The following KIAA0040 variants were observed in gnomAD, a reference collection of about 807,000 sequenced individuals.
KIAA0040 encodes KIAA0040.
KIAA0040 carries 10 observed loss-of-function variants against 7.2 expected under a neutral mutation model. The observed-to-expected ratio is 1.38, with a 90% CI of 0.85 to 2.34. The LOEUF (loss-of-function observed/expected upper bound fraction) is 2.34, where lower values mean the gene tolerates loss of function less well. KIAA0040 is among the 30% of genes most tolerant of loss of function. KIAA0040 has a pLI of 0.00. For synonymous variants in KIAA0040, 49 were observed against 40.1 expected (o/e 1.22, Z -0.84); for missense variants, 89 against 108.2 (o/e 0.82, Z 0.79).
rs1477920712 is a variant in KIAA0040 at position 175,186,715 on chromosome 1, C to T, written c.-384+5925G>A. 3.3e-5 allele frequency among the ~76,000 whole-genome samples: 5 copies of T among 152,326 alleles called. No homozygotes were observed. The South Asian group carries it at 8.3e-4, about 25-fold the overall frequency. On this transcript the variant is annotated intron_variant, in intron 1 of 3. Transcript: ENST00000423313. ...CAAGAAAAGCACAGTCTTTGGAAATCGGCAAGGCACCCAGTAAAGTACTGC... is the reference window on the plus strand; with the variant it reads ...CAAGAAAAGCACAGTCTTTGGAAATTGGCAAGGCACCCAGTAAAGTACTGC...
intron 2 of KIAA0040, among the ~76,000 whole-genome samples, chr1:175,168,668 C>T (rs375866647): frequency 5.9e-5 from 9 of 152,282 alleles, no homozygotes; most frequent in Non-Finnish European, 1.0e-4. Context: ...CTGCATCTTG[C>T]GGGAGATCAC....
intron 1 of KIAA0040, among the ~76,000 whole-genome samples, chr1:175,182,623 C>T (rs1677483022): frequency 6.6e-6 from 1 of 152,206 alleles, no homozygotes; most frequent in South Asian, 2.1e-4. Flanking sequence ...ACGCTCTCAC[C>T]CAGCTTGTGT....
chr1:175,173,299 A>G (rs1339988029), intron 2 of KIAA0040, among the ~76,000 whole-genome samples: 1 of 152,216 alleles, frequency 6.6e-6, no homozygotes, highest in Non-Finnish European at 1.5e-5. Flanking sequence ...GAGGGTTGGC[A>G]AAAGTCTTAT....
intron 2 of KIAA0040, among the ~76,000 whole-genome samples, chr1:175,175,770 G>C (rs866870378): frequency 2.6e-5 from 4 of 152,080 alleles, no homozygotes; most frequent in Non-Finnish European, 2.9e-5. Flanking sequence ...GCAGACTATT[G>C]CAAGGACAAA....
At chr1:175,179,508 A>C (rs760436141) in intron 1 of KIAA0040, among the ~76,000 whole-genome samples, 21 of 152,208 alleles carry the variant, frequency 1.4e-4, no homozygotes, top group Non-Finnish European at 2.6e-4. Context: ...AAATCTAATT[A>C]TAAACTGAAA....
chr1:175,180,908 G>A (rs1677416011), intron 1 of KIAA0040, among the ~76,000 whole-genome samples: 1 of 152,204 alleles, frequency 6.6e-6, no homozygotes, highest in African/African-American at 2.4e-5. Flanking sequence ...CTAGTGTGCA[G>A]TGGCACAATC....
intron 1 of KIAA0040, among the ~76,000 whole-genome samples, chr1:175,178,619 T>A (rs553549413): frequency 6.6e-6 from 1 of 152,322 alleles, no homozygotes; most frequent in African/African-American, 2.4e-5. Context: ...TACCAACTGG[T>A]TCTTATCCTA....
At chr1:175,182,132 G>A (rs1404409166) in intron 1 of KIAA0040, among the ~76,000 whole-genome samples, 8 of 152,148 alleles carry the variant, frequency 5.3e-5, no homozygotes, top group Non-Finnish European at 8.8e-5. Flanking sequence ...TTGAGTGTCC[G>A]GGGATAGGGC....
At chr1:175,170,630 C>T (rs879774830) in intron 2 of KIAA0040, among the ~76,000 whole-genome samples, 4 of 152,136 alleles carry the variant, frequency 2.6e-5, no homozygotes, top group Non-Finnish European at 2.9e-5. Flanking sequence ...CTGGGCTTTA[C>T]CTCCCCACCC....
chr1:175,170,381 C>A (rs894558290), intron 2 of KIAA0040, among the ~76,000 whole-genome samples: 1 of 152,086 alleles, frequency 6.6e-6, no homozygotes, highest in Non-Finnish European at 1.5e-5. Context: ...TCTTTCAATT[C>A]GTCTTTCTAA....
chr1:175,182,579 G>C (rs1444446064), intron 1 of KIAA0040, among the ~76,000 whole-genome samples: 2 of 152,218 alleles, frequency 1.3e-5, no homozygotes, highest in Non-Finnish European at 2.9e-5. Context: ...TGCCACCAGA[G>C]AGTGGATTGT....
At chr1:175,179,019 CTG>C (rs1403411573) in intron 1 of KIAA0040, among the ~76,000 whole-genome samples, 1 of 151,250 alleles carries the variant, frequency 6.6e-6, no homozygotes, top group Non-Finnish European at 1.5e-5. Flanking sequence ...AGCTCCTGGG[CTG>C]TGTGTGATTA....
At chr1:175,163,483 C>A (rs1048638670) in intron 3 of KIAA0040, among the ~76,000 whole-genome samples, 1 of 152,230 alleles carries the variant, frequency 6.6e-6, no homozygotes, top group South Asian at 2.1e-4. Context: ...CTGGGAACAG[C>A]CCATGCCATG....
At position 175,160,466 on chromosome 1, in the gene KIAA0040, C is replaced by CA; in HGVS notation, c.*247dup. The stretch of plus-strand genomic sequence containing the variant: ...GGGTATGCCAGAGACAGGTGGGAGG[C>CA]ATGCCTGGGTCTGCAGTAAGGAGCA... On this transcript the variant is annotated 3_prime_UTR_variant, in exon 4 of 4. Transcript: ENST00000423313. The CA allele has an allele frequency of 6.3e-6, 3 of 477,580 alleles. No homozygotes were observed. The South Asian group carries it at 9.4e-5, about 15-fold the overall frequency. 29.6% of individuals were successfully genotyped at this position (477,580 alleles called of 1,614,324 possible).
Position 175,161,131 on chromosome 1 carries a change from A to C in KIAA0040, c.-118T>G. The C allele has an allele frequency of 1.1e-6, 1 of 918,868 alleles. No homozygotes were observed. The highest frequency in any genetic ancestry group is 1.8e-5 in the South Asian group (1 of 56,092). The allele number at this position is 918,868 out of a possible 1,614,324, so 56.9% of individuals were successfully genotyped here. The stretch of plus-strand genomic sequence containing the variant: ...TCCTCTTCCAGCTTTGGGTTTGGGC[A>C]TGCCACTGGCAGCACCTGAAGAGAT... On this transcript the variant is annotated 5_prime_UTR_variant, in exon 4 of 4. It removes an upstream start codon present in the reference 5' UTR. Coordinates refer to ENST00000423313, the MANE Select transcript of KIAA0040 (RefSeq NM_014656.3).
intron 2 of KIAA0040, among the ~76,000 whole-genome samples, chr1:175,167,177 G>A (rs183257083): frequency 6.6e-6 from 1 of 152,304 alleles, no homozygotes; most frequent in South Asian, 2.1e-4. Flanking sequence ...GACAAAAACA[G>A]CAAACACATG....
chr1:175,162,052 A>G (rs1676563479), intron 3 of KIAA0040, among the ~76,000 whole-genome samples: 1 of 152,018 alleles, frequency 6.6e-6, no homozygotes, highest in African/African-American at 2.4e-5. Flanking sequence ...AGCTGGGGCC[A>G]TTCTCCTGGT....
chr1:175,177,047 C>T (rs1279972881), intron 2 of KIAA0040, among the ~76,000 whole-genome samples: 1 of 152,160 alleles, frequency 6.6e-6, no homozygotes, highest in African/African-American at 2.4e-5. Context: ...GCCTGGAGAC[C>T]TCAAGGCTTT....
At chr1:175,175,584 C>T (rs1472352171) in intron 2 of KIAA0040, among the ~76,000 whole-genome samples, 2 of 151,950 alleles carry the variant, frequency 1.3e-5, no homozygotes, top group African/African-American at 4.8e-5. Context: ...CATGTATGTT[C>T]ATTGTGGCAC....
Sources: allele counts gnomAD v4.1 joint callset (sites outside exome capture counted in the v4.1 genomes callset), GRCh38; gene constraint gnomAD v4.1.1; transcripts MANE v1.5; gene names NCBI Gene and HGNC (gene_info 2026-07-23, HGNC 2026-07-21).